EFHD1: variants seen among roughly 807,000 people sequenced by gnomAD.
EFHD1 encodes EF-hand domain-containing protein D1.
EFHD1 carries 10 observed loss-of-function variants against 17.2 expected under a neutral mutation model. That is an observed-to-expected ratio of 0.58 (90% confidence interval 0.36 to 0.99). The LOEUF (loss-of-function observed/expected upper bound fraction) is 0.99. Among genes scored for constraint, EFHD1 ranks in the 50% least tolerant of loss-of-function variants. The pLI is 0.01. For missense variants in EFHD1, 310 were observed against 327.5 expected (o/e 0.95, Z 0.41); for synonymous variants, 153 against 142.0 (o/e 1.08, Z -0.55).
chr2:232,677,808 C>T (rs1228386107), intron 3 of EFHD1, among the ~76,000 whole-genome samples: 1 of 152,112 alleles, frequency 6.6e-6, no homozygotes, highest in Non-Finnish European at 1.5e-5. Flanking sequence ...ATTACTTCTT[C>T]CCTTGTCCTC....
At chr2:232,667,294 C>T (rs186945321) in intron 2 of EFHD1, among the ~76,000 whole-genome samples, 34 of 152,206 alleles carry the variant, frequency 2.2e-4, no homozygotes, top group African/African-American at 8.2e-4. Context: ...CAATCGAATT[C>T]TCTCTCTCGG....
chr2:232,670,841 G>T (rs890463050), intron 2 of EFHD1, among the ~76,000 whole-genome samples: 1 of 152,090 alleles, frequency 6.6e-6, no homozygotes, highest in Non-Finnish European at 1.5e-5. Flanking sequence ...AACATACCAG[G>T]TTCTATGAAG....
At chr2:232,641,097 C>T (rs1052914729) in intron 1 of EFHD1, among the ~76,000 whole-genome samples, 3 of 152,200 alleles carry the variant, frequency 2.0e-5, no homozygotes, top group African/African-American at 7.2e-5. Flanking sequence ...GGCTGGAGTG[C>T]AGTTGCACAG....
upstream of EFHD1, chr2:232,633,444 C>G: frequency 8.3e-7 from 1 of 1,209,758 alleles, no homozygotes; most frequent in Non-Finnish European, 1.0e-6. Flanking sequence ...AGGTCGGGGT[C>G]TCCGGGACGC....
intron 2 of EFHD1, among the ~76,000 whole-genome samples, chr2:232,667,347 G>C (rs895415533): frequency 6.6e-6 from 1 of 152,052 alleles, no homozygotes; most frequent in Non-Finnish European, 1.5e-5. Context: ...TGGCTCTGCA[G>C]ATGGCTGTTC....
At chr2:232,655,285 G>A (rs1311165933) in intron 1 of EFHD1, among the ~76,000 whole-genome samples, 1 of 152,154 alleles carries the variant, frequency 6.6e-6, no homozygotes, top group Non-Finnish European at 1.5e-5. Flanking sequence ...CTCTGGAGTA[G>A]CTAGGATTAC....
At chr2:232,630,640 T>TC (rs998530621), upstream of EFHD1, among the ~76,000 whole-genome samples, 8 of 151,980 alleles carry the variant, frequency 5.3e-5, no homozygotes, top group African/African-American at 1.9e-4. Context: ...CACAATCCAC[T>TC]CCCATTAATT....
At chr2:232,673,691 C>T (rs1285516725) in intron 3 of EFHD1, among the ~76,000 whole-genome samples, 2 of 151,942 alleles carry the variant, frequency 1.3e-5, no homozygotes, top group African/African-American at 2.4e-5. Context: ...CGTTTCAAGG[C>T]ACCCTTACAT....
chr2:232,672,926 AT>A (rs1483391809), intron 3 of EFHD1, among the ~76,000 whole-genome samples: 1 of 151,994 alleles, frequency 6.6e-6, no homozygotes, highest in Non-Finnish European at 1.5e-5. Context: ...TTGGAGACAG[AT>A]TTCATCATCT....
Position 232,672,330 on chromosome 2 carries a change from G to A in EFHD1, c.472G>A (p.Ala158Thr), listed in dbSNP as rs776687781. The change falls in exon 3 of 4, where the codon GCC (alanine) becomes ACC (threonine). Residue 158 changes from alanine (A) to threonine (T), a missense_variant. Ala to Thr is a moderately conservative substitution (Grantham distance 58, BLOSUM62 0). Coordinates refer to ENST00000264059, the MANE Select transcript of EFHD1 (RefSeq NM_025202.4). ...FREFLLIFHKAAAGELQEDSG... is the reference protein window; with the variant it reads ...FREFLLIFHKTAAGELQEDSG... ...GTAGTTCCTGCTCATTTTCCACAAG[G>A]CCGCGGCAGGGGAGCTGCAGGAGGA... The A allele has an allele frequency of 6.2e-7, 1 of 1,614,138 alleles. No homozygotes were observed. The highest frequency in any genetic ancestry group is 1.1e-5 in the South Asian group (1 of 91,082).
upstream of EFHD1, chr2:232,633,348 C>T: frequency 1.8e-6 from 1 of 543,116 alleles, no homozygotes; most frequent in Non-Finnish European, 2.5e-6. Context: ...CTGACAGGGG[C>T]AGCAAGGTCG....
intron 2 of EFHD1, among the ~76,000 whole-genome samples, chr2:232,664,516 C>G (rs183070650): frequency 1.7e-4 from 26 of 151,534 alleles, no homozygotes; most frequent in African/African-American, 6.1e-4. Context: ...CCAGGCTGGT[C>G]TCAAACTCCT....
rs376855779 is a variant in EFHD1 at position 232,660,202 on chromosome 2, A to T, written c.303-2600A>T. 9.1e-3 allele frequency among the ~76,000 whole-genome samples: 1,298 copies of T among 142,468 alleles called. 12 individuals are homozygous for T. Among genetic ancestry groups the T allele is most frequent in the East Asian group, 0.039 (201 of 5,090 alleles). The allele number at this position is 142,468 out of a possible 152,430, so 93.5% of individuals were successfully genotyped here. On this transcript the variant is annotated intron_variant, in intron 1 of 3. Transcript: ENST00000264059. Reference sequence around the variant, plus strand: ...TTTATTTTATTTTATTTATTTATTTATTTTTTTTTTGAGGCGGAATCTTGC... The same window carrying T: ...TTTATTTTATTTTATTTATTTATTTTTTTTTTTTTTGAGGCGGAATCTTGC...
intron 1 of EFHD1, among the ~76,000 whole-genome samples, chr2:232,626,382 T>TA (rs35824980): frequency 0.23 from 34,742 of 151,190 alleles, 4,488 homozygotes; most frequent in East Asian, 0.58. Context: ...CTCACCTCTA[T>TA]AAAAAATACA....
At chr2:232,664,061 G>A (rs908291086) in intron 2 of EFHD1, among the ~76,000 whole-genome samples, 5 of 151,470 alleles carry the variant, frequency 3.3e-5, no homozygotes, top group African/African-American at 1.2e-4. Context: ...CAAAGTGCTG[G>A]GATTACAGTC....
chr2:232,679,396 C>T (rs1222924149), intron 3 of EFHD1, among the ~76,000 whole-genome samples: 1 of 148,606 alleles, frequency 6.7e-6, no homozygotes, highest in Non-Finnish European at 1.5e-5. Flanking sequence ...ATTCTTTTAT[C>T]TTTTTTTTTT....
intron 3 of EFHD1, among the ~76,000 whole-genome samples, chr2:232,675,861 TTGA>T (rs1420504725): frequency 6.6e-6 from 1 of 150,552 alleles, no homozygotes; most frequent in Non-Finnish European, 1.5e-5. Flanking sequence ...AGGAGGGGAG[TTGA>T]TGATATTTTT....
intron 1 of EFHD1, among the ~76,000 whole-genome samples, chr2:232,607,701 C>T (rs1258041322): frequency 6.6e-6 from 1 of 152,122 alleles, no homozygotes; most frequent in East Asian, 1.9e-4. Flanking sequence ...CTGCAGTGAG[C>T]TGTGATTGGG....
chr2:232,656,803 G>A (rs1369594530), intron 1 of EFHD1, among the ~76,000 whole-genome samples: 1 of 151,850 alleles, frequency 6.6e-6, no homozygotes, highest in Non-Finnish European at 1.5e-5. Flanking sequence ...GTTTTGTTTT[G>A]TTTGAGACAG....
Sources: gnomAD v4.1 joint callset for allele counts (sites outside exome capture counted in the v4.1 genomes callset) on GRCh38, gnomAD v4.1.1 for gene constraint, MANE v1.5 for transcripts, NCBI Gene and HGNC (gene_info 2026-07-23, HGNC 2026-07-21) for gene names.